The following KLHL30 variants were observed in gnomAD, a reference collection of about 807,000 sequenced individuals.
The protein encoded by KLHL30 is kelch like family member 30.
In KLHL30, 55 loss-of-function variants were observed where a neutral mutation model predicts 55.0. That is an observed-to-expected ratio of 1.00 (90% CI 0.80 to 1.25). The LOEUF (loss-of-function observed/expected upper bound fraction) is 1.25. KLHL30 is among the 50% of genes most tolerant of loss of function. The pLI is 0.00. For synonymous variants in KLHL30, 356 were observed against 372.6 expected (o/e 0.96, Z 0.51); for missense variants, 786 against 811.6 (o/e 0.97, Z 0.38).
chr2:238,148,260 C>T (rs778162917), intron 6 of KLHL30, among the ~76,000 whole-genome samples: 5 of 146,020 alleles, frequency 3.4e-5, no homozygotes, highest in African/African-American at 4.9e-5. Context: ...GCGAGCTGCA[C>T]GTCTGTCCTG....
Position 238,150,871 on chromosome 2 carries a change from C to T in KLHL30, c.1543C>T (p.Leu515=). The change falls in exon 8 of 8, where the codon CTG becomes TTG. Residue 515 remains leucine (L), a synonymous_variant. Transcript: ENST00000409223. The part of the protein sequence containing the change: ...NGALVPLGDA[L]YVTGGRWQGM... ...CGCGCTGGTGCCACTGGGTGATGCG[C>T]TGTACGTGACGGGCGGCCGCTGGCA... is the stretch of plus-strand genomic sequence containing the variant. 6.3e-7 allele frequency: 1 copy of T among 1,596,636 alleles called. No individual in the cohort carries two copies. The highest frequency in any genetic ancestry group is 8.5e-7 in the Non-Finnish European group (1 of 1,173,004).
intron 3 of KLHL30, among the ~76,000 whole-genome samples, chr2:238,144,432 A>AAGGAAGGC (rs1692608040): frequency 1.2e-3 from 97 of 82,362 alleles, no homozygotes; most frequent in Admixed American, 1.7e-3. Flanking sequence ...GGAAGGAAGG[A>AAGGAAGGC]AGGCAGGCAG....
At chr2:238,139,536 C>A (rs923786099) in intron 1 of KLHL30, among the ~76,000 whole-genome samples, 5 of 152,188 alleles carry the variant, frequency 3.3e-5, no homozygotes, top group Non-Finnish European at 5.9e-5. Flanking sequence ...AGGTGCTTCC[C>A]CGCTCTGGGG....
Position 238,140,080 on chromosome 2 carries a change from A to T in KLHL30, c.-70-605A>T, listed in dbSNP as rs80058480. On this transcript the variant is annotated intron_variant, in intron 1 of 7. Transcript: ENST00000409223. ...TCTGAGTTCAAATTCCAGCTCCACC[A>T]CTTCCTAAATGTGTGATCTTGGGCA... 7.2e-5 allele frequency among the ~76,000 whole-genome samples: 11 copies of T among 152,200 alleles called. No homozygotes were observed. The East Asian group carries it at 2.1e-3, about 29-fold the overall frequency.
At chr2:238,145,079 G>C in intron 4 of KLHL30, 91 bp downstream of exon 4, 5 of 1,050,440 alleles carry the variant, frequency 4.8e-6, no homozygotes, top group Non-Finnish European at 7.2e-6. Context: ...GTCCCTGAGG[G>C]TTAGTCAAGG....
chr2:238,148,102 G>A (rs963268840), intron 6 of KLHL30, 80 bp downstream of exon 6: 1 of 1,294,728 alleles, frequency 7.7e-7, no homozygotes, highest in Non-Finnish European at 1.0e-6. Flanking sequence ...TGATGGTGAG[G>A]ATTGGGGCTC....
At position 238,145,676 on chromosome 2, in the gene KLHL30, G is replaced by A; in HGVS notation, c.995-1G>A. On this transcript the variant is annotated splice_acceptor_variant, in intron 4 of 7. Transcript: ENST00000409223. LOFTEE classifies it high-confidence loss of function. ...CATGTAGACAGAACTTCTCCCGGCA[G>A]GTGGCTCTCGGGGCACAAAGACAGA... is the stretch of plus-strand genomic sequence containing the variant. 3.2e-6 allele frequency: 5 copies of A among 1,574,520 alleles called. No individual in the cohort carries two copies. The highest frequency in any genetic ancestry group is 4.3e-6 in the Non-Finnish European group (5 of 1,161,940).
Position 238,150,800 on chromosome 2 carries a change from C to T in KLHL30, c.1486-14C>T, listed in dbSNP as rs1174460991. ...CTCCCGCCCACCGGACGCTAACCCGCTGACCGTGCACAGGTGCAGTCACAG... is the reference window on the plus strand; with the variant it reads ...CTCCCGCCCACCGGACGCTAACCCGTTGACCGTGCACAGGTGCAGTCACAG... On this transcript the variant is annotated splice_polypyrimidine_tract_variant and intron_variant, in intron 7 of 7. Coordinates refer to ENST00000409223, the MANE Select transcript of KLHL30 (RefSeq NM_198582.4). The T allele has an allele frequency of 5.7e-6, 9 of 1,568,058 alleles. No homozygotes were observed. The highest frequency in any genetic ancestry group is 7.8e-6 in the Non-Finnish European group (9 of 1,157,582).
At chr2:238,144,124 T>C (rs1165493837) in intron 3 of KLHL30, among the ~76,000 whole-genome samples, 1 of 152,226 alleles carries the variant, frequency 6.6e-6, no homozygotes, top group Non-Finnish European at 1.5e-5. Flanking sequence ...CTTGGGCACA[T>C]TGCTCTGCCC....
In KLHL30 at chr2:238,147,040, G is replaced by A. The variant is rs1370212491; in HGVS notation, c.1151-794G>A. Among the ~76,000 whole-genome samples the A allele has an allele frequency of 2.7e-5, 4 of 149,314 alleles. No individual in the cohort carries two copies. Among genetic ancestry groups the A allele is most frequent in the East Asian group, 4.0e-4 (2 of 5,052 alleles). ...AAAAAAAAGGCAGGCATGGTGTCAC[G>A]TGCCAGCCGAGGTAGGAGTATCGCT... On this transcript the variant is annotated intron_variant, in intron 5 of 7. Coordinates refer to ENST00000409223, the MANE Select transcript of KLHL30 (RefSeq NM_198582.4). The surrounding 1 kb of genome is among the most constrained non-coding windows in gnomAD (Gnocchi z 5.8).
rs771921255 is a variant in KLHL30 at position 238,151,015 on chromosome 2, C to T, written c.1687C>T (p.Leu563=). 5.0e-6 allele frequency: 8 copies of T among 1,592,746 alleles called. No individual in the cohort carries two copies. The South Asian group carries it at 9.1e-5, about 18-fold the overall frequency. Residue 563 remains leucine (L), a synonymous_variant, in exon 8 of 8, where the codon CTG becomes TTG. Transcript: ENST00000409223. ...CTACCACGGGGCCTCCACCGTCTTC[C>T]TGGATGTCTCCAAGTGGACCCAGCC... ...WLYHGASTVF[L]DVSKWTQPSG...
At position 238,152,241 on chromosome 2, in the gene KLHL30, C is replaced by T. The variant is rs1212466790; in HGVS notation, c.*1176C>T. On this transcript the variant is annotated 3_prime_UTR_variant, in exon 8 of 8. Coordinates refer to ENST00000409223, the MANE Select transcript of KLHL30 (RefSeq NM_198582.4). ...CCCCTGGGTTCCTCCTTAACACCCCCCGCCCCTGGGGACCAGAGGGGCCTC... is the reference window on the plus strand; with the variant it reads ...CCCCTGGGTTCCTCCTTAACACCCCTCGCCCCTGGGGACCAGAGGGGCCTC... The T allele has an allele frequency of 3.0e-6, 3 of 985,140 alleles. No homozygotes were observed. The highest frequency in any genetic ancestry group is 1.7e-5 in the African/African-American group (1 of 57,234). 61.0% of individuals were successfully genotyped at this position (985,140 alleles called of 1,614,324 possible). A position where few individuals can be genotyped will look rare whatever the true frequency, so the allele number is the denominator to read the frequency against.
chr2:238,144,164 C>T (rs1692589200), intron 3 of KLHL30, among the ~76,000 whole-genome samples: 1 of 152,210 alleles, frequency 6.6e-6, no homozygotes, highest in South Asian at 2.1e-4. Context: ...ATCCTAACAG[C>T]TGTCATCAGC....
chr2:238,149,035 C>T lies in KLHL30; in HGVS notation c.1368C>T (p.Phe456=), dbSNP rs368550134. 1 of 1,611,532 alleles carries T rather than the reference C, an allele frequency of 6.2e-7. No individual in the cohort carries two copies. The highest frequency in any genetic ancestry group is 8.5e-7 in the Non-Finnish European group (1 of 1,179,174). ...CGTGGAGTGTGATCGCCTCGCCCTT[C>T]CTGCCCAAGTACCTGTCCTCGCCTC... ...TDAWSVIASP[F]LPKYLSSPRC... Residue 456 remains phenylalanine (F), a synonymous_variant, in exon 7 of 8, where the codon TTC becomes TTT. Coordinates refer to ENST00000409223, the MANE Select transcript of KLHL30 (RefSeq NM_198582.4).
At chr2:238,144,418 G>GGAAA (rs1559275940) in intron 3 of KLHL30, among the ~76,000 whole-genome samples, 2 of 117,150 alleles carry the variant, frequency 1.7e-5, no homozygotes, top group African/African-American at 3.1e-5. Context: ...AAGGAAGGAA[G>GGAAA]GAAGGAAGGA....
Position 238,151,121 on chromosome 2 carries a change from G to T in KLHL30, c.*56G>T. On this transcript the variant is annotated 3_prime_UTR_variant, in exon 8 of 8. Transcript: ENST00000409223. ...CCACAGCGGCCCCTCATCAGCCTGT[G>T]GAACGGCCCCTTTCATTTTCGCTTA... The T allele has an allele frequency of 1.3e-6, 2 of 1,525,858 alleles. No homozygotes were observed. Among genetic ancestry groups the T allele is most frequent in the Non-Finnish European group, 1.8e-6 (2 of 1,132,452 alleles). The allele number at this position is 1,525,858 out of a possible 1,614,324, so 94.5% of individuals were successfully genotyped here.
In KLHL30 at chr2:238,147,278, C is replaced by T. The variant is rs1408119246; in HGVS notation, c.1151-556C>T. On this transcript the variant is annotated intron_variant, in intron 5 of 7. Coordinates refer to ENST00000409223, the MANE Select transcript of KLHL30 (RefSeq NM_198582.4). This position sits in a 1 kb window ranked among gnomAD's most constrained non-coding sequence, Gnocchi z 5.8. ...CTGTCCCCTTTCTCTCAGTGGCTAC[C>T]GTGTCCCCAACCAGAGAGCAGAAAG... Among the ~76,000 whole-genome samples, 1 of 152,066 alleles carries T rather than the reference C, an allele frequency of 6.6e-6. No individual in the cohort carries two copies.
In KLHL30 at chr2:238,145,775, A is replaced by T. The variant is rs1692636688; in HGVS notation, c.1093A>T (p.Lys365Ter). The T allele has an allele frequency of 6.2e-7, 1 of 1,607,524 alleles. No individual in the cohort carries two copies. The highest frequency in any genetic ancestry group is 8.5e-7 in the Non-Finnish European group (1 of 1,178,002). Residue 365 changes from lysine (K) to a stop codon, truncating the protein, a stop_gained, in exon 5 of 8, where the codon AAG becomes TAG. Transcript: ENST00000409223. LOFTEE classifies it high-confidence loss of function. ...ASWKPVAPML[K>*]PRTNHASAAL... ...CTGGAAGCCCGTGGCGCCCATGCTG[A>T]AGCCCCGCACCAACCACGCCAGCGC...
Position 238,152,106 on chromosome 2 carries a change from GGGCTAGA to G in KLHL30, c.*1042_*1048del, listed in dbSNP as rs1460815661. 1 of 985,502 alleles carries G rather than the reference GGGCTAGA, an allele frequency of 1.0e-6. No homozygotes were observed. Among genetic ancestry groups the G allele is most frequent in the Non-Finnish European group, 1.2e-6 (1 of 829,982 alleles). The allele number at this position is 985,502 out of a possible 1,614,324, so 61.0% of individuals were successfully genotyped here. On this transcript the variant is annotated 3_prime_UTR_variant, in exon 8 of 8. Coordinates refer to ENST00000409223, the MANE Select transcript of KLHL30 (RefSeq NM_198582.4). ...GTCACAGGCTCCGCCCTGGGACATG[GGGCTAGA>G]AGTCAGGAGTCGGGCCCGGCCAGGC...
Sources: allele counts gnomAD v4.1 joint callset (sites outside exome capture counted in the v4.1 genomes callset), GRCh38; gene constraint gnomAD v4.1.1; non-coding constraint Gnocchi (gnomAD v3.1); transcripts MANE v1.5; gene names NCBI Gene and HGNC (gene_info 2026-07-23, HGNC 2026-07-21).